The following ARPC2 variants were observed in gnomAD, a reference collection of about 807,000 sequenced individuals.
ARPC2 encodes the protein actin related protein 2/3 complex subunit 2.
Under a neutral mutation model 38.6 loss-of-function variants are expected in ARPC2, and 4 were observed. That is an observed-to-expected ratio of 0.10 (90% CI 0.05 to 0.24). ARPC2 has a LOEUF of 0.24. Ranked by LOEUF, ARPC2 falls within the 10% of genes least tolerant of loss-of-function variation. The pLI is 1.00. For synonymous variants in ARPC2, 125 were observed against 140.8 expected (o/e 0.89, Z 0.79); for missense variants, 229 against 387.3 (o/e 0.59, Z 3.43).
intron 2 of ARPC2, among the ~76,000 whole-genome samples, chr2:218,218,816 A>T (rs1222623739): frequency 1.3e-5 from 2 of 152,216 alleles, no homozygotes; most frequent in African/African-American, 4.8e-5. Context: ...TATCTGTAAA[A>T]CAAAGCACTA....
intron 7 of ARPC2, 108 bp downstream of exon 7, chr2:218,239,592 AAT>A: frequency 1.2e-6 from 1 of 823,718 alleles, no homozygotes; most frequent in Admixed American, 2.9e-5. Context: ...CTGATGTTAG[AAT>A]TTTTTTTTTT....
chr2:218,228,760 T>A lies in ARPC2; in HGVS notation c.132T>A (p.His44Gln). ...CAGATTTCGATGGGGTCCTCTATCA[T>A]ATTTCAAATCCTAATGGAGACAAAA... Reference protein sequence around the residue: ...TFADFDGVLYHISNPNGDKTK... With the variant: ...TFADFDGVLYQISNPNGDKTK... Residue 44 changes from histidine to glutamine, a missense_variant, in exon 4 of 11, where the codon CAT becomes CAA. By Grantham distance (24) the His-to-Gln change is conservative (BLOSUM62 0). Transcript: ENST00000315717. The A allele has an allele frequency of 6.2e-7, 1 of 1,604,348 alleles. No homozygotes were observed. Among genetic ancestry groups the A allele is most frequent in the Non-Finnish European group, 8.5e-7 (1 of 1,171,388 alleles).
chr2:218,234,601 A>G (rs1689723719), intron 5 of ARPC2: 2 of 578,236 alleles, frequency 3.5e-6, no homozygotes, highest in Non-Finnish European at 6.1e-6. Context: ...GAGGTACAAA[A>G]TTGATGTGTG....
chr2:218,249,337 C>T (rs772673148), intron 8 of ARPC2, 27 bp from the exon 9 acceptor site: 150 of 1,546,104 alleles, frequency 9.7e-5, no homozygotes, highest in Non-Finnish European at 1.2e-4. Context: ...CGTGTCCTGA[C>T]GCCTTGTTTG....
At chr2:218,225,810 T>TGG in intron 2 of ARPC2, 110 bp from the exon 3 acceptor site, 1 of 1,023,050 alleles carries the variant, frequency 9.8e-7, no homozygotes, top group Non-Finnish European at 1.5e-6. Context: ...AACCTAAAAT[T>TGG]TATACAGAAT....
In ARPC2 at chr2:218,250,010, A is replaced by G. The variant is rs147205777; in HGVS notation, c.878+89A>G. The G allele has an allele frequency of 3.4e-5, 39 of 1,152,564 alleles. No homozygotes were observed. In the African/African-American group the frequency reaches 5.5e-4, roughly 16 times the overall value. 71.4% of individuals were successfully genotyped at this position (1,152,564 alleles called of 1,614,324 possible). On this transcript the variant is annotated intron_variant, in intron 10 of 10. Transcript: ENST00000315717. ...GCGCTGGTGGCCTGGTCCTCCATGT[A>G]TCTGGGCACTGGCTACATATGAGGT...
intron 2 of ARPC2, among the ~76,000 whole-genome samples, chr2:218,219,445 G>A (rs1212781509): frequency 6.6e-6 from 1 of 151,848 alleles, no homozygotes. Flanking sequence ...GCCCTCCCAG[G>A]CTCAAGTGAG....
intron 2 of ARPC2, among the ~76,000 whole-genome samples, chr2:218,221,149 G>A (rs1344035996): frequency 6.6e-6 from 1 of 152,178 alleles, no homozygotes; most frequent in Non-Finnish European, 1.5e-5. Context: ...AGGAAATTCT[G>A]TCAGATGCAA....
chr2:218,228,921 A>T, intron 4 of ARPC2, 71 bp downstream of exon 4: 3 of 1,038,598 alleles, frequency 2.9e-6, no homozygotes, highest in Non-Finnish European at 4.5e-6. Context: ...CATTCATGGA[A>T]GATCCATGGC....
intron 2 of ARPC2, among the ~76,000 whole-genome samples, chr2:218,219,213 T>G (rs1427683847): frequency 6.6e-6 from 1 of 152,224 alleles, no homozygotes; most frequent in Non-Finnish European, 1.5e-5. Flanking sequence ...TATTAATGAC[T>G]TGTGATTCCA....
At chr2:218,231,825 C>T (rs1279187294) in intron 4 of ARPC2, among the ~76,000 whole-genome samples, 1 of 152,208 alleles carries the variant, frequency 6.6e-6, no homozygotes, top group African/African-American at 2.4e-5. Context: ...ATTGTTCAGC[C>T]AGGCGTGGGG....
At position 218,249,757 on chromosome 2, in the gene ARPC2, A is replaced by G; in HGVS notation, c.778-64A>G. 10 of 1,484,720 alleles carry G rather than the reference A, an allele frequency of 6.7e-6. 1 individual carries two copies. In the South Asian group the frequency reaches 1.2e-4, roughly 18 times the overall value. 92.0% of individuals were successfully genotyped at this position (1,484,720 alleles called of 1,614,324 possible). On this transcript the variant is annotated intron_variant, in intron 9 of 10. Transcript: ENST00000315717. ...CCGCCCTTGATGACCTCTCTGATGA[A>G]AGACAGCAAAGCTGTCTTTCTAGAC... is the stretch of plus-strand genomic sequence containing the variant.
At chr2:218,234,813 T>C in intron 5 of ARPC2, 1 of 459,150 alleles carries the variant, frequency 2.2e-6, no homozygotes, top group African/African-American at 2.0e-5. Context: ...TTCTTGTGAT[T>C]TCAAGTAATA....
chr2:218,254,253 G>C lies in ARPC2; in HGVS notation c.*338G>C. 8.6e-6 allele frequency: 2 copies of C among 233,728 alleles called. No homozygotes were observed. The highest frequency in any genetic ancestry group is 8.4e-6 in the Non-Finnish European group (1 of 119,204). The allele number at this position is 233,728 out of a possible 1,614,324, so 14.5% of individuals were successfully genotyped here. A position where few individuals can be genotyped will look rare whatever the true frequency, so the allele number is the denominator to read the frequency against. On this transcript the variant is annotated 3_prime_UTR_variant, in exon 11 of 11. Transcript: ENST00000315717. ...TGGTAATGAGTTGCAGGATAATGCA[G>C]TCATAACTTGTTTTCTCCTAAGTAT...
In ARPC2 at chr2:218,249,717, G is replaced by A. The variant is rs375607579; in HGVS notation, c.778-104G>A. 1.6e-5 allele frequency: 18 copies of A among 1,124,210 alleles called. No individual in the cohort carries two copies. The East Asian group carries it at 4.6e-4, about 29-fold the overall frequency. The allele number at this position is 1,124,210 out of a possible 1,614,324, so 69.6% of individuals were successfully genotyped here. ...CCTGCAGGGCCTGGGTCAATCCCAG[G>A]GTGTATGTTCCCAACCGCCCTTGAT... On this transcript the variant is annotated intron_variant, in intron 9 of 10. Coordinates refer to ENST00000315717, the MANE Select transcript of ARPC2 (RefSeq NM_152862.3).
At chr2:218,232,822 C>T (rs1463807935) in intron 4 of ARPC2, among the ~76,000 whole-genome samples, 2 of 151,994 alleles carry the variant, frequency 1.3e-5, no homozygotes, top group East Asian at 1.9e-4. Context: ...GTGATCACCC[C>T]GCCTCGGCCT....
intron 8 of ARPC2, among the ~76,000 whole-genome samples, chr2:218,245,970 C>A (rs1160056900): frequency 6.6e-6 from 1 of 151,982 alleles, no homozygotes; most frequent in Non-Finnish European, 1.5e-5. Context: ...AATCACAGCA[C>A]TTTGGGAGGT....
chr2:218,244,617 C>T (rs1689988429), intron 7 of ARPC2, among the ~76,000 whole-genome samples: 1 of 152,226 alleles, frequency 6.6e-6, no homozygotes, highest in South Asian at 2.1e-4. Context: ...ATGGCAGCTC[C>T]AGCAAGAGAG....
chr2:218,226,980 A>G (rs778234094), intron 3 of ARPC2: 2 of 456,672 alleles, frequency 4.4e-6, no homozygotes, highest in Admixed American at 4.7e-5. Context: ...AGGTGTTGGT[A>G]CTATTTACTT....
Sources: gnomAD v4.1 joint callset for allele counts (sites outside exome capture counted in the v4.1 genomes callset) on GRCh38, gnomAD v4.1.1 for gene constraint, MANE v1.5 for transcripts, NCBI Gene and HGNC (gene_info 2026-07-23, HGNC 2026-07-21) for gene names.